The following WDR20 variants were observed in gnomAD, a reference collection of about 807,000 sequenced individuals.
WDR20 encodes WD repeat domain 20.
Under a neutral mutation model 38.7 loss-of-function variants are expected in WDR20, and 3 were observed. The ratio of observed to expected loss-of-function variants is 0.08; its 90% CI spans 0.04 to 0.20. The LOEUF is 0.20. WDR20 is among the 10% of genes least tolerant of loss of function. The pLI is 1.00. For missense variants in WDR20, 559 were observed against 727.7 expected (o/e 0.77, Z 2.67); for synonymous variants, 298 against 285.6 (o/e 1.04, Z -0.44).
chr14:102,199,329 C>G (rs2059925279), intron 2 of WDR20, among the ~76,000 whole-genome samples: 1 of 151,948 alleles, frequency 6.6e-6, no homozygotes, highest in Non-Finnish European at 1.5e-5. Context: ...GCCTGAAGAG[C>G]GAGCCTTGGT....
chr14:102,224,427 A>G (rs997920350), downstream of WDR20: 2 of 376,760 alleles, frequency 5.3e-6, no homozygotes, highest in African/African-American at 2.1e-5. Context: ...AGTTACTGGA[A>G]TCCCAACAGA....
intron 1 of WDR20, among the ~76,000 whole-genome samples, chr14:102,142,017 TG>T (rs2051402878): frequency 6.6e-6 from 1 of 152,184 alleles, no homozygotes; most frequent in South Asian, 2.1e-4. Flanking sequence ...GTTTCTTGCC[TG>T]GAAGTATCAT....
At chr14:102,215,089 T>A, downstream of WDR20, 1 of 716,814 alleles carries the variant, frequency 1.4e-6, no homozygotes, top group East Asian at 1.3e-4. Context: ...TTAAATGCTG[T>A]AAAATTAAGG....
chr14:102,194,793 G>C (rs1055426230), intron 1 of WDR20, 145 bp from the exon 2 acceptor site: 1 of 822,172 alleles, frequency 1.2e-6, no homozygotes, highest in Admixed American at 2.9e-5. Flanking sequence ...TAAAATGTTA[G>C]ATGATGTTAA....
At chr14:102,152,553 T>C (rs2152728746) in intron 1 of WDR20, among the ~76,000 whole-genome samples, 1 of 152,032 alleles carries the variant, frequency 6.6e-6, no homozygotes, top group East Asian at 2.0e-4. Flanking sequence ...TAGCTGGGAC[T>C]ATAGGCGTGT....
intron 1 of WDR20, among the ~76,000 whole-genome samples, chr14:102,165,218 G>C (rs1026272339): frequency 1.3e-5 from 2 of 152,160 alleles, no homozygotes; most frequent in African/African-American, 4.8e-5. Flanking sequence ...TCCCTCCTCA[G>C]CTCCAGAGCT....
At chr14:102,218,778 G>A (rs972271399), downstream of WDR20, among the ~76,000 whole-genome samples, 8 of 152,170 alleles carry the variant, frequency 5.3e-5, no homozygotes, top group Non-Finnish European at 7.4e-5. Context: ...CTGATGGGAC[G>A]CCGTGCAGAT....
intron 1 of WDR20, among the ~76,000 whole-genome samples, chr14:102,145,362 G>A (rs1325203482): frequency 1.3e-5 from 2 of 152,122 alleles, no homozygotes; most frequent in African/African-American, 2.4e-5. Context: ...TAGGGAAATC[G>A]TGTAAGAGAC....
Position 102,178,539 on chromosome 14 carries a change from A to G in WDR20, c.250-16399A>G, listed in dbSNP as rs550446112. 2.2e-4 allele frequency among the ~76,000 whole-genome samples: 33 copies of G among 152,132 alleles called. No homozygotes were observed. In the South Asian group the frequency reaches 5.8e-3, roughly 27 times the overall value. On this transcript the variant is annotated intron_variant, in intron 1 of 2. Transcript: ENST00000342702. ...GGCGTGGTCCCTGCCCAGCAGTATC[A>G]GCGTCCCCTCAGAACTTGTGGCAAT...
chr14:102,213,788 C>A, downstream of WDR20: 1 of 985,402 alleles, frequency 1.0e-6, no homozygotes, highest in Non-Finnish European at 1.2e-6. Context: ...GGGAGGGAGA[C>A]GTTTTCTTTC....
At chr14:102,197,014 TAGAG>T (rs1298648307) in intron 2 of WDR20, among the ~76,000 whole-genome samples, 6 of 152,124 alleles carry the variant, frequency 3.9e-5, no homozygotes, top group Non-Finnish European at 7.4e-5. Flanking sequence ...GTTTGTTCCT[TAGAG>T]AGTGCCAGGA....
chr14:102,140,299 C>T, intron 1 of WDR20, 127 bp downstream of exon 1: 2 of 1,432,384 alleles, frequency 1.4e-6, no homozygotes, highest in African/African-American at 2.8e-5. Context: ...GGGCCGGTAA[C>T]TCCACTGGGG....
In WDR20 at chr14:102,169,652, C is replaced by T. The variant is rs951210403; in HGVS notation, c.250-25286C>T. Reference sequence around the variant, plus strand: ...AAGTGGTCCTCCTGCCTCAGCCTCCCGAGTAGCTGGGATTACAGGCGCCTG... The same window carrying T: ...AAGTGGTCCTCCTGCCTCAGCCTCCTGAGTAGCTGGGATTACAGGCGCCTG... On this transcript the variant is annotated intron_variant, in intron 1 of 2. Transcript: ENST00000342702. Among the ~76,000 whole-genome samples, 67 of 152,018 alleles carry T rather than the reference C, an allele frequency of 4.4e-4. 2 individuals are homozygous for T. The highest frequency in any genetic ancestry group is 6.2e-4 in the South Asian group (3 of 4,808).
chr14:102,170,736 G>A (rs1412658505), intron 1 of WDR20, among the ~76,000 whole-genome samples: 6 of 151,826 alleles, frequency 4.0e-5, no homozygotes, highest in Non-Finnish European at 7.4e-5. Flanking sequence ...GTCTGCGATC[G>A]TTCCACCTCA....
At chr14:102,214,554 T>C, downstream of WDR20, 1 of 985,478 alleles carries the variant, frequency 1.0e-6, no homozygotes, top group South Asian at 4.7e-5. Flanking sequence ...CATAAATTGC[T>C]ATCCTTTCAT....
chr14:102,194,861 G>A, intron 1 of WDR20, 77 bp from the exon 2 acceptor site: 1 of 1,376,634 alleles, frequency 7.3e-7, no homozygotes, highest in Admixed American at 2.1e-5. Context: ...CATCATAATG[G>A]AGTATAAAGT....
chr14:102,159,745 G>T (rs2058228947), intron 1 of WDR20, among the ~76,000 whole-genome samples: 1 of 151,954 alleles, frequency 6.6e-6, no homozygotes, highest in Admixed American at 6.6e-5. Flanking sequence ...GAGGTGGGAG[G>T]ATCATTTGAG....
At chr14:102,224,748 C>A, downstream of WDR20, 1 of 456,058 alleles carries the variant, frequency 2.2e-6, no homozygotes, top group Non-Finnish European at 4.4e-6. Flanking sequence ...TCGAAGGCGC[C>A]AGCAGGGACT....
intron 1 of WDR20, among the ~76,000 whole-genome samples, chr14:102,187,648 C>G (rs941707354): frequency 6.6e-6 from 1 of 152,060 alleles, no homozygotes; most frequent in Non-Finnish European, 1.5e-5. Context: ...GGGAGAGTGA[C>G]CTAAGGCTTC....
Sources: gnomAD v4.1 joint callset for allele counts (sites outside exome capture counted in the v4.1 genomes callset) on GRCh38, gnomAD v4.1.1 for gene constraint, MANE v1.5 for transcripts, NCBI Gene and HGNC (gene_info 2026-07-23, HGNC 2026-07-21) for gene names.